Variants in BCKDHB observed in about 807,000 individuals in gnomAD.
The protein encoded by BCKDHB is 2-oxoisovalerate dehydrogenase subunit beta, mitochondrial.
Under a neutral mutation model 48.5 loss-of-function variants are expected in BCKDHB, and 41 were observed. The ratio of observed to expected loss-of-function variants is 0.85; its 90% CI spans 0.66 to 1.10. The LOEUF (loss-of-function observed/expected upper bound fraction) is 1.10, where lower values mean the gene tolerates loss of function less well. BCKDHB is among the 50% of genes least tolerant of loss of function. The pLI is 0.00. For synonymous variants in BCKDHB, 201 were observed against 174.8 expected (o/e 1.15, Z -1.18); for missense variants, 496 against 494.2 (o/e 1.00, Z -0.03).
chr6:80,230,273 C>T (rs962428157), intron 8 of BCKDHB, among the ~76,000 whole-genome samples: 8 of 151,358 alleles, frequency 5.3e-5, no homozygotes, highest in African/African-American at 1.9e-4. Context: ...CTCCTGACCT[C>T]GTGATCCGCC....
chr6:80,152,188 A>G (rs1397509101), intron 3 of BCKDHB, among the ~76,000 whole-genome samples: 1 of 151,890 alleles, frequency 6.6e-6, no homozygotes, highest in Non-Finnish European at 1.5e-5. Flanking sequence ...TTTATTCAGC[A>G]TCAGCTATGT....
At chr6:80,321,874 A>G (rs1372570137) in intron 9 of BCKDHB, among the ~76,000 whole-genome samples, 1 of 152,198 alleles carries the variant, frequency 6.6e-6, no homozygotes. Context: ...ATGGAAAAAT[A>G]CCATCATGAA....
At chr6:80,129,074 T>C (rs1325489923) in intron 2 of BCKDHB, 87 bp from the exon 3 acceptor site, 4 of 1,033,146 alleles carry the variant, frequency 3.9e-6, no homozygotes, top group Non-Finnish European at 5.8e-6. Flanking sequence ...TGATTTAAAA[T>C]GTAAACATTT....
At chr6:80,203,752 C>T in intron 8 of BCKDHB, among the ~76,000 whole-genome samples, 1 of 152,024 alleles carries the variant, frequency 6.6e-6, no homozygotes, top group African/African-American at 2.4e-5. Flanking sequence ...AGCCTCATGA[C>T]CTTTGGCCTG....
intron 9 of BCKDHB, among the ~76,000 whole-genome samples, chr6:80,282,976 A>C (rs1402751554): frequency 6.6e-6 from 1 of 152,114 alleles, no homozygotes; most frequent in Non-Finnish European, 1.5e-5. Context: ...TATCATGTAC[A>C]TTTGAGTTTT....
intron 8 of BCKDHB, among the ~76,000 whole-genome samples, chr6:80,260,452 G>A (rs1434276756): frequency 6.6e-6 from 1 of 152,110 alleles, no homozygotes; most frequent in African/African-American, 2.4e-5. Context: ...CACACTGGAG[G>A]GCTCCTGGTA....
the BCKDHB span, among the ~76,000 whole-genome samples, chr6:80,364,709 A>C: frequency 0.032 from 4,855 of 152,228 alleles, 280 homozygotes; most frequent in African/African-American, 0.11. Flanking sequence ...GACTGTAAAA[A>C]CAGACTCATG....
intron 3 of BCKDHB, among the ~76,000 whole-genome samples, chr6:80,130,144 A>G (rs1028062364): frequency 6.6e-6 from 1 of 152,284 alleles, no homozygotes; most frequent in South Asian, 2.1e-4. Context: ...CTTGCAGTGT[A>G]AGGAATGTGT....
At chr6:80,267,850 T>C (rs1054185251) in intron 8 of BCKDHB, among the ~76,000 whole-genome samples, 1 of 152,094 alleles carries the variant, frequency 6.6e-6, no homozygotes, top group Non-Finnish European at 1.5e-5. Context: ...TTTTCAGCTC[T>C]TCATGTAATT....
the BCKDHB span, among the ~76,000 whole-genome samples, chr6:80,443,009 G>A: frequency 6.6e-6 from 1 of 152,162 alleles, no homozygotes; most frequent in Admixed American, 6.5e-5. Context: ...AGATATCAGT[G>A]TGTGGCTGGG....
chr6:80,274,615 T>C (rs1407157136), intron 9 of BCKDHB, among the ~76,000 whole-genome samples: 2 of 152,026 alleles, frequency 1.3e-5, no homozygotes. Context: ...TTGTGTTTTG[T>C]TCACTGCTTA....
At chr6:80,200,843 G>A in intron 6 of BCKDHB, 91 bp from the exon 7 acceptor site, 4 of 1,022,060 alleles carry the variant, frequency 3.9e-6, no homozygotes, top group Non-Finnish European at 6.0e-6. Flanking sequence ...ATAAAATAAA[G>A]CTTTGCTACA....
chr6:80,451,835 G>A, the BCKDHB span, among the ~76,000 whole-genome samples: 7 of 152,116 alleles, frequency 4.6e-5, no homozygotes, highest in East Asian at 1.4e-3. Flanking sequence ...TCTTTTCAAG[G>A]GGCTTTTTTA....
At chr6:80,212,906 AT>A (rs1262376692) in intron 8 of BCKDHB, among the ~76,000 whole-genome samples, 1 of 152,178 alleles carries the variant, frequency 6.6e-6, no homozygotes, top group African/African-American at 2.4e-5. Flanking sequence ...CTCTGTAGTG[AT>A]TAGCATGAGC....
intron 8 of BCKDHB, among the ~76,000 whole-genome samples, chr6:80,212,037 C>T (rs1313760093): frequency 6.6e-6 from 1 of 152,116 alleles, no homozygotes; most frequent in African/African-American, 2.4e-5. Flanking sequence ...AGGGAAAAAG[C>T]AGAACCACTG....
At position 80,217,062 on chromosome 6, in the gene BCKDHB, G is replaced by A. The variant is rs1775205543; in HGVS notation, c.951+13850G>A. On this transcript the variant is annotated intron_variant, in intron 8 of 9. Coordinates refer to ENST00000320393, the MANE Select transcript of BCKDHB (RefSeq NM_183050.4). ...GTTTGAGACCAGCCTGACCAACATG[G>A]TGAAACCCCACCTCTACTAAAAATA... Among the ~76,000 whole-genome samples, 4 of 152,178 alleles carry A rather than the reference G, an allele frequency of 2.6e-5. No individual in the cohort carries two copies. The South Asian group carries it at 8.3e-4, about 32-fold the overall frequency.
chr6:80,405,450 G>T, the BCKDHB span, among the ~76,000 whole-genome samples: 11 of 152,156 alleles, frequency 7.2e-5, no homozygotes, highest in African/African-American at 2.4e-4. Flanking sequence ...TCTGTTATGG[G>T]TTATATATGT....
chr6:80,267,482 A>G (rs895673300), intron 8 of BCKDHB, among the ~76,000 whole-genome samples: 1 of 152,048 alleles, frequency 6.6e-6, no homozygotes, highest in Non-Finnish European at 1.5e-5. Flanking sequence ...AAAGAGTTGT[A>G]TGAGATGGGT....
the BCKDHB span, among the ~76,000 whole-genome samples, chr6:80,375,328 G>A: frequency 1.3e-5 from 2 of 152,098 alleles, no homozygotes; most frequent in South Asian, 4.1e-4. Flanking sequence ...CAAACTTCTT[G>A]GAGGCTTTGT....
Sources: gnomAD v4.1 joint callset for allele counts (sites outside exome capture counted in the v4.1 genomes callset) on GRCh38, gnomAD v4.1.1 for gene constraint, MANE v1.5 for transcripts, NCBI Gene and HGNC (gene_info 2026-07-23, HGNC 2026-07-21) for gene names.